Variants in GPR158 observed in about 807,000 individuals in gnomAD.
GPR158 encodes metabotropic glycine receptor.
Under a neutral mutation model 78.2 loss-of-function variants are expected in GPR158, and 30 were observed. The ratio of observed to expected loss-of-function variants is 0.38; its 90% CI spans 0.29 to 0.52. The LOEUF is 0.52. GPR158 is among the 20% of genes least tolerant of loss of function. The probability of loss-of-function intolerance (pLI) is 0.83; values close to 1 mark genes in which losing one functional copy is unlikely to be tolerated. For missense variants in GPR158, 1,463 were observed against 1,523.5 expected, an observed-to-expected ratio of 0.96 and a Z score of 0.66; for synonymous variants, 581 against 591.1, an observed-to-expected ratio of 0.98 and a Z score of 0.25.
At position 25,401,931 on chromosome 10, in the gene GPR158, G is replaced by A. The variant is rs149770180; in HGVS notation, c.1111+5918G>A. On this transcript the variant is annotated intron_variant, in intron 3 of 10. Transcript: ENST00000376351. ...TAACATTCAGAACATATTCCTACCT[G>A]GCTTTTAGCAAATTTAGAAACTTTG... Among the ~76,000 whole-genome samples, 822 of 152,102 alleles carry A rather than the reference G, an allele frequency of 5.4e-3. 10 individuals are homozygous for A. The highest frequency in any genetic ancestry group is 0.019 in the African/African-American group (795 of 41,520).
chr10:25,355,152 A>G (rs1013729558), intron 2 of GPR158, among the ~76,000 whole-genome samples: 1 of 152,004 alleles, frequency 6.6e-6, no homozygotes, highest in African/African-American at 2.4e-5. Context: ...CTACTTCTAG[A>G]TCTTGCTTAA....
In GPR158 at chr10:25,176,150, C is replaced by T. The variant is rs1231272383; in HGVS notation, c.730C>T (p.Arg244Trp). Reference protein sequence around the residue: ...LHRRGPNQGPRGLGHSWRRKD... With the variant: ...LHRRGPNQGPWGLGHSWRRKD... The stretch of plus-strand genomic sequence containing the variant: ...CCGCCGCGGCCCCAATCAGGGGCCC[C>T]GGGGCCTGGGCCACAGCTGGCGGCG... The change falls in exon 1 of 11, where the codon CGG becomes TGG. Residue 244 changes from arginine (R) to tryptophan (W), a missense_variant. By Grantham distance (101) the Arg-to-Trp change is moderately radical. Coordinates refer to ENST00000376351, the MANE Select transcript of GPR158 (RefSeq NM_020752.3). The surrounding 1 kb of genome is among the most constrained non-coding windows in gnomAD (Gnocchi z 6.3). 1 of 1,573,072 alleles carries T rather than the reference C, an allele frequency of 6.4e-7. No individual in the cohort carries two copies. Among genetic ancestry groups the T allele is most frequent in the African/African-American group, 1.3e-5 (1 of 74,594 alleles).
intron 2 of GPR158, among the ~76,000 whole-genome samples, chr10:25,238,754 A>G (rs1853563670): frequency 6.6e-6 from 1 of 152,230 alleles, no homozygotes; most frequent in South Asian, 2.1e-4. Context: ...TCAAATGCCA[A>G]TCCAGCGGAT....
At chr10:25,361,567 T>A (rs1855641069) in intron 2 of GPR158, among the ~76,000 whole-genome samples, 1 of 151,936 alleles carries the variant, frequency 6.6e-6, no homozygotes, top group East Asian at 1.9e-4. Flanking sequence ...TGCACAAGGG[T>A]ACCAATTTTT....
intron 4 of GPR158, among the ~76,000 whole-genome samples, chr10:25,441,682 C>T (rs1835070028): frequency 1.3e-5 from 2 of 152,118 alleles, no homozygotes; most frequent in Non-Finnish European, 2.9e-5. Context: ...TTGTGGTATA[C>T]CTCCAAGATT....
intron 3 of GPR158, among the ~76,000 whole-genome samples, chr10:25,404,225 C>T (rs1008197230): frequency 2.0e-5 from 3 of 152,030 alleles, no homozygotes; most frequent in Non-Finnish European, 2.9e-5. Flanking sequence ...GAAATCAGGT[C>T]TCTTGACTTT....
At chr10:25,532,625 G>A (rs1016233996) in intron 5 of GPR158, among the ~76,000 whole-genome samples, 3 of 151,812 alleles carry the variant, frequency 2.0e-5, no homozygotes, top group Admixed American at 6.6e-5. Flanking sequence ...TCCCCAGTGT[G>A]TAGAAAACAC....
Position 25,231,339 on chromosome 10 carries a change from T to C in GPR158, c.1008+10182T>C, listed in dbSNP as rs539601168. Among the ~76,000 whole-genome samples the C allele has an allele frequency of 1.1e-4, 16 of 152,316 alleles. No homozygotes were observed. The East Asian group carries it at 2.1e-3, about 20-fold the overall frequency. ...CTGAGCCAGAAAGGAGGCAATATTA[T>C]AGGAAGCACCATTGATTTTTAAAAA... On this transcript the variant is annotated intron_variant, in intron 2 of 10. Coordinates refer to ENST00000376351, the MANE Select transcript of GPR158 (RefSeq NM_020752.3).
chr10:25,490,849 A>T (rs1394842621), intron 5 of GPR158, among the ~76,000 whole-genome samples: 1 of 152,028 alleles, frequency 6.6e-6, no homozygotes, highest in African/African-American at 2.4e-5. Context: ...CCAGTTCTAG[A>T]TACACATTTT....
At chr10:25,338,848 A>T (rs1855263824) in intron 2 of GPR158, among the ~76,000 whole-genome samples, 1 of 151,328 alleles carries the variant, frequency 6.6e-6, no homozygotes, top group Admixed American at 6.6e-5. Flanking sequence ...TCTATACAAT[A>T]ATGTGGAGAG....
intron 1 of GPR158, among the ~76,000 whole-genome samples, chr10:25,219,061 G>A (rs543135333): frequency 1.2e-4 from 18 of 152,280 alleles, no homozygotes; most frequent in Non-Finnish European, 1.6e-4. Context: ...GGAGCATAAA[G>A]TAGAACCAGA....
chr10:25,355,497 A>C (rs1241989937), intron 2 of GPR158, among the ~76,000 whole-genome samples: 1 of 152,118 alleles, frequency 6.6e-6, no homozygotes, highest in Non-Finnish European at 1.5e-5. Flanking sequence ...CAGAGAATTC[A>C]TATATCACCA....
chr10:25,200,367 T>G (rs560277224), intron 1 of GPR158, among the ~76,000 whole-genome samples: 1 of 150,016 alleles, frequency 6.7e-6, no homozygotes, highest in South Asian at 2.1e-4. Context: ...AGGTTGTCTG[T>G]TTTTTGCTTG....
chr10:25,565,221 A>G (rs16926098), intron 6 of GPR158, among the ~76,000 whole-genome samples: 5,432 of 152,292 alleles, frequency 0.036, 321 homozygotes, highest in African/African-American at 0.12. Context: ...CATGTGCTAG[A>G]TTCTGTAGGG....
intron 1 of GPR158, among the ~76,000 whole-genome samples, chr10:25,219,507 CT>C (rs1853268617): frequency 6.6e-6 from 1 of 152,136 alleles, no homozygotes; most frequent in Non-Finnish European, 1.5e-5. Context: ...AGCGTGTTTT[CT>C]GTAATTTTTG....
At position 25,481,824 on chromosome 10, in the gene GPR158, T is replaced by C. The variant is rs565962099; in HGVS notation, c.1404+15105T>C. On this transcript the variant is annotated intron_variant, in intron 5 of 10. Transcript: ENST00000376351. ...TATATTTTTATAGTAGCCATCCATA[T>C]GAGTGTGAATTGGTAGCTTATTGTG... 2.6e-5 allele frequency among the ~76,000 whole-genome samples: 4 copies of C among 152,342 alleles called. No individual in the cohort carries two copies. In the East Asian group the frequency reaches 7.7e-4, roughly 29 times the overall value.
At chr10:25,533,613 C>A (rs1173721743) in intron 5 of GPR158, among the ~76,000 whole-genome samples, 6 of 152,106 alleles carry the variant, frequency 3.9e-5, no homozygotes, top group Non-Finnish European at 5.9e-5. Context: ...TTATATATTT[C>A]ATTTATTTTC....
intron 3 of GPR158, among the ~76,000 whole-genome samples, chr10:25,404,581 C>T (rs1446252820): frequency 6.6e-6 from 1 of 152,070 alleles, no homozygotes; most frequent in Admixed American, 6.6e-5. Flanking sequence ...ATCTCTCCTA[C>T]TTGAGGAAGA....
chr10:25,413,403 G>T (rs555755854), intron 4 of GPR158, among the ~76,000 whole-genome samples: 2 of 152,306 alleles, frequency 1.3e-5, no homozygotes, highest in Admixed American at 1.3e-4. Flanking sequence ...GTTAAAATAT[G>T]CAGGACAAAG....
Sources: gnomAD v4.1 joint callset for allele counts (sites outside exome capture counted in the v4.1 genomes callset) on GRCh38, gnomAD v4.1.1 for gene constraint, Gnocchi (gnomAD v3.1) non-coding constraint, MANE v1.5 for transcripts, NCBI Gene and HGNC (gene_info 2026-07-23, HGNC 2026-07-21) for gene names.